Variants in SLC41A2 observed in about 807,000 individuals in gnomAD.
The protein encoded by SLC41A2 is solute carrier family 41 member 2.
In SLC41A2, 32 loss-of-function variants were observed where a neutral mutation model predicts 58.3. The observed-to-expected ratio is 0.55, with a 90% CI of 0.41 to 0.74. The LOEUF (loss-of-function observed/expected upper bound fraction) is 0.74. Among genes scored for constraint, SLC41A2 ranks in the 30% least tolerant of loss-of-function variants. SLC41A2 has a pLI of 0.00. For missense variants in SLC41A2, 514 were observed against 680.6 expected, an observed-to-expected ratio of 0.76 and a Z score of 2.72; for synonymous variants, 190 against 235.0, an observed-to-expected ratio of 0.81 and a Z score of 1.75.
At chr12:104,945,680 C>T (rs1026620196) in intron 1 of SLC41A2, among the ~76,000 whole-genome samples, 1 of 151,906 alleles carries the variant, frequency 6.6e-6, no homozygotes, top group African/African-American at 2.4e-5. Context: ...TGCTTTTTTC[C>T]ATTTCATAAC....
chr12:104,870,671 C>T (rs570665704), intron 6 of SLC41A2, among the ~76,000 whole-genome samples: 1 of 152,284 alleles, frequency 6.6e-6, no homozygotes, highest in East Asian at 1.9e-4. Context: ...TAACTAGCAT[C>T]TTTTGTGATC....
At chr12:104,894,848 AGTAAC>A (rs1268051075) in intron 4 of SLC41A2, among the ~76,000 whole-genome samples, 1 of 152,210 alleles carries the variant, frequency 6.6e-6, no homozygotes, top group East Asian at 1.9e-4. Context: ...TATTAATACT[AGTAAC>A]TAACAAATTA....
intron 10 of SLC41A2, among the ~76,000 whole-genome samples, chr12:104,841,390 A>T (rs992764854): frequency 4.6e-5 from 7 of 151,538 alleles, no homozygotes; most frequent in African/African-American, 1.5e-4. Context: ...TCCTCCTTCC[A>T]CTGAAGGAGA....
At chr12:104,888,201 C>T (rs928879741) in intron 5 of SLC41A2, among the ~76,000 whole-genome samples, 1 of 151,924 alleles carries the variant, frequency 6.6e-6, no homozygotes, top group African/African-American at 2.4e-5. Context: ...AAGAAACTAC[C>T]CCGATACAAT....
chr12:104,914,764 A>G (rs1267216488), intron 2 of SLC41A2, among the ~76,000 whole-genome samples: 1 of 152,246 alleles, frequency 6.6e-6, no homozygotes, highest in Non-Finnish European at 1.5e-5. Flanking sequence ...ATTATGCTTT[A>G]CTTTCTGCAT....
intron 2 of SLC41A2, among the ~76,000 whole-genome samples, chr12:104,915,996 T>C (rs186463811): frequency 6.6e-6 from 1 of 152,350 alleles, no homozygotes; most frequent in African/African-American, 2.4e-5. Flanking sequence ...TTGAATTTTG[T>C]CAAAGGCCTT....
chr12:104,906,496 C>T (rs2045858026), intron 3 of SLC41A2, among the ~76,000 whole-genome samples: 1 of 152,132 alleles, frequency 6.6e-6, no homozygotes, highest in Admixed American at 6.5e-5. Context: ...GGCTCAGTGG[C>T]TCTCTCTACA....
At chr12:104,880,241 C>T (rs774941409) in intron 6 of SLC41A2, among the ~76,000 whole-genome samples, 4 of 152,044 alleles carry the variant, frequency 2.6e-5, no homozygotes, top group East Asian at 1.9e-4. Flanking sequence ...CTTCTAAATG[C>T]GCAATCATGC....
chr12:104,884,900 C>T (rs1593069862), intron 6 of SLC41A2, among the ~76,000 whole-genome samples: 2 of 152,338 alleles, frequency 1.3e-5, no homozygotes, highest in South Asian at 4.1e-4. Context: ...TTTTCTAATG[C>T]TAGCCATAAG....
intron 3 of SLC41A2, among the ~76,000 whole-genome samples, chr12:104,905,931 C>T (rs1451284071): frequency 6.6e-6 from 1 of 152,200 alleles, no homozygotes; most frequent in Non-Finnish European, 1.5e-5. Flanking sequence ...GAGTGGGCTC[C>T]GGCCTTGGCC....
intron 3 of SLC41A2, among the ~76,000 whole-genome samples, chr12:104,904,032 A>G (rs1565888664): frequency 1.3e-5 from 2 of 152,242 alleles, no homozygotes; most frequent in African/African-American, 2.4e-5. Context: ...ACCTTCATTC[A>G]GGTTTAACGG....
At chr12:104,924,570 C>A (rs1252904176) in intron 2 of SLC41A2, among the ~76,000 whole-genome samples, 1 of 151,898 alleles carries the variant, frequency 6.6e-6, no homozygotes. Flanking sequence ...CATGGAGAAA[C>A]CCCATCTCTA....
chr12:104,877,193 C>T (rs2044090654), intron 6 of SLC41A2, among the ~76,000 whole-genome samples: 1 of 152,140 alleles, frequency 6.6e-6, no homozygotes, highest in Non-Finnish European at 1.5e-5. Flanking sequence ...AAACCTGAAG[C>T]TTCTCAGCAG....
At chr12:104,857,380 T>C (rs1044687910) in intron 8 of SLC41A2, among the ~76,000 whole-genome samples, 2 of 152,116 alleles carry the variant, frequency 1.3e-5, no homozygotes, top group African/African-American at 4.8e-5. Flanking sequence ...TGTGGAGAAA[T>C]AGGAACATGT....
Position 104,850,971 on chromosome 12 carries a change from T to C in SLC41A2, c.1256-4997A>G, listed in dbSNP as rs114341923. 3.2e-3 allele frequency among the ~76,000 whole-genome samples: 488 copies of C among 152,356 alleles called. 5 individuals are homozygous for C. Among genetic ancestry groups the C allele is most frequent in the African/African-American group, 0.011 (467 of 41,580 alleles). ...AACATTCTGACTGTGGCTCAAACTA[T>C]GTGGGTTTTTCTGAAAACCACCTCA... On this transcript the variant is annotated intron_variant, in intron 8 of 10. Transcript: ENST00000258538.
At chr12:104,810,442 T>G (rs1283674440) in intron 10 of SLC41A2, among the ~76,000 whole-genome samples, 4 of 152,178 alleles carry the variant, frequency 2.6e-5, no homozygotes, top group Non-Finnish European at 4.4e-5. Context: ...TAACAATGTG[T>G]TAAATACATA....
intron 4 of SLC41A2, among the ~76,000 whole-genome samples, chr12:104,892,302 AAAATAAAAT>A (rs1408015075): frequency 8.8e-6 from 1 of 113,856 alleles, no homozygotes; most frequent in Non-Finnish European, 1.8e-5. Flanking sequence ...TCTCAAAAAA[AAAATAAAAT>A]AAAATAAAAT....
intron 8 of SLC41A2, 47 bp from the exon 9 acceptor site, chr12:104,846,021 A>T (rs1243191721): frequency 6.3e-7 from 1 of 1,578,628 alleles, no homozygotes; most frequent in South Asian, 1.2e-5. Context: ...ATTTTAAACA[A>T]TTTGCATAAA....
intron 10 of SLC41A2, among the ~76,000 whole-genome samples, chr12:104,841,301 C>T (rs1159669143): frequency 2.0e-5 from 3 of 146,446 alleles, no homozygotes; most frequent in Non-Finnish European, 4.5e-5. Context: ...TTATTGAAGA[C>T]AAGGAGAATA....
Sources: allele counts gnomAD v4.1 joint callset (sites outside exome capture counted in the v4.1 genomes callset), GRCh38; gene constraint gnomAD v4.1.1; transcripts MANE v1.5; gene names NCBI Gene and HGNC (gene_info 2026-07-23, HGNC 2026-07-21).